GRIP1: variants seen among roughly 807,000 people sequenced by gnomAD.
GRIP1 encodes the protein glutamate receptor interacting protein 1.
Under a neutral mutation model 129.9 loss-of-function variants are expected in GRIP1, and 45 were observed. The observed-to-expected ratio is 0.35, with a 90% CI of 0.27 to 0.44. GRIP1 has a LOEUF of 0.44. Ranked by LOEUF, GRIP1 falls within the 20% of genes least tolerant of loss-of-function variation. The pLI is 1.00. For missense variants in GRIP1, 1,196 were observed against 1,396.8 expected (o/e 0.86, Z 2.29); for synonymous variants, 530 against 520.8 (o/e 1.02, Z -0.24).
intron 1 of GRIP1, among the ~76,000 whole-genome samples, chr12:66,965,596 T>TGTGTGTGAGA (rs1308974868): frequency 1.4e-5 from 2 of 146,754 alleles, no homozygotes; most frequent in African/African-American, 5.1e-5. Context: ...TGTGTGTGTG[T>TGTGTGTGAGA]GAGATATTAT....
chr12:66,888,750 T>C (rs1368878145), intron 1 of GRIP1, among the ~76,000 whole-genome samples: 1 of 152,204 alleles, frequency 6.6e-6, no homozygotes. Flanking sequence ...CAAGTTCCTA[T>C]TTTTGCTAAC....
chr12:66,387,026 A>G (rs1162801258), intron 19 of GRIP1, among the ~76,000 whole-genome samples: 1 of 152,214 alleles, frequency 6.6e-6, no homozygotes, highest in Non-Finnish European at 1.5e-5. Context: ...TACATAAGAA[A>G]ATACATAATA....
intron 1 of GRIP1, among the ~76,000 whole-genome samples, chr12:66,711,365 A>G (rs1247364000): frequency 6.6e-6 from 1 of 151,950 alleles, no homozygotes; most frequent in African/African-American, 2.4e-5. Flanking sequence ...GTAAATTTAT[A>G]CCAAAAATTA....
intron 1 of GRIP1, among the ~76,000 whole-genome samples, chr12:67,068,586 C>A (rs1421286869): frequency 6.6e-6 from 1 of 152,078 alleles, no homozygotes; most frequent in Non-Finnish European, 1.5e-5. Flanking sequence ...AATGCCGTCG[C>A]AGCCCAGCCA....
At chr12:66,769,692 A>G (rs2037757993) in intron 1 of GRIP1, among the ~76,000 whole-genome samples, 1 of 150,726 alleles carries the variant, frequency 6.6e-6, no homozygotes, top group Non-Finnish European at 1.5e-5. Context: ...ATAGGAGGGA[A>G]AAAAAAAATC....
rs1473878515 is a variant in GRIP1 at position 67,002,749 on chromosome 12, T to C, written c.58+66301A>G. 3.9e-5 allele frequency among the ~76,000 whole-genome samples: 6 copies of C among 151,950 alleles called. No homozygotes were observed. In the South Asian group the frequency reaches 1.2e-3, roughly 32 times the overall value. ...TACACCATGGTTTTCTTCTTTCCTT[T>C]TCTTTATCTACTTTTATTTTTTCTT... On this transcript the variant is annotated intron_variant, in intron 1 of 1. Coordinates refer to the GRIP1 transcript ENST00000643019.
At chr12:66,991,971 C>G (rs2042400841) in intron 1 of GRIP1, among the ~76,000 whole-genome samples, 1 of 152,148 alleles carries the variant, frequency 6.6e-6, no homozygotes, top group South Asian at 2.1e-4. Context: ...AAACACCACT[C>G]AAAATATGAC....
intron 3 of GRIP1, among the ~76,000 whole-genome samples, chr12:66,540,723 T>C (rs987294532): frequency 6.6e-6 from 1 of 152,238 alleles, no homozygotes; most frequent in Non-Finnish European, 1.5e-5. Context: ...CCTGGAATTA[T>C]GTGGATATGA....
At chr12:66,462,254 C>A (rs1190167608) in intron 9 of GRIP1, among the ~76,000 whole-genome samples, 1 of 152,180 alleles carries the variant, frequency 6.6e-6, no homozygotes, top group Non-Finnish European at 1.5e-5. Context: ...ATATTGTAAA[C>A]CAAGGCTTCA....
rs575839471 is a variant in GRIP1, at chr12:66,662,673, G to GA, written c.55+16176dup. On this transcript the variant is annotated intron_variant, in intron 1 of 24. Coordinates refer to ENST00000359742, the MANE Select transcript of GRIP1 (RefSeq NM_001366722.1). Reference sequence around the variant, plus strand: ...AATTTCTATTGCTTACCTAAATGTTGAAAAAGATCTCATGAAAATAACCTC... The same window carrying GA: ...AATTTCTATTGCTTACCTAAATGTTGAAAAAAGATCTCATGAAAATAACCTC... Among the ~76,000 whole-genome samples, 4 of 152,128 alleles carry GA rather than the reference G, an allele frequency of 2.6e-5. No individual in the cohort carries two copies. The East Asian group carries it at 7.7e-4, about 29-fold the overall frequency.
intron 1 of GRIP1, among the ~76,000 whole-genome samples, chr12:66,921,957 G>A (rs1353319811): frequency 1.3e-5 from 2 of 152,166 alleles, no homozygotes; most frequent in Non-Finnish European, 2.9e-5. Context: ...CTATCTGCAA[G>A]GAAAGAGGAT....
At chr12:66,350,370 G>A (rs565643080) in intron 24 of GRIP1, among the ~76,000 whole-genome samples, 4 of 152,140 alleles carry the variant, frequency 2.6e-5, no homozygotes, top group East Asian at 3.9e-4. Flanking sequence ...GGTGGTGGGC[G>A]CCTGTAATCC....
At chr12:66,478,324 T>G (rs988841594) in intron 7 of GRIP1, among the ~76,000 whole-genome samples, 1 of 152,136 alleles carries the variant, frequency 6.6e-6, no homozygotes, top group Non-Finnish European at 1.5e-5. Flanking sequence ...AAAACCACAA[T>G]GAGATATCAT....
At chr12:66,969,957 T>C (rs1306052762) in intron 1 of GRIP1, among the ~76,000 whole-genome samples, 3 of 152,208 alleles carry the variant, frequency 2.0e-5, no homozygotes, top group Admixed American at 2.0e-4. Context: ...CTTTTTCTAT[T>C]AGAGCCCTTA....
chr12:66,745,132 C>T (rs958834756), intron 1 of GRIP1, among the ~76,000 whole-genome samples: 1 of 152,118 alleles, frequency 6.6e-6, no homozygotes, highest in Non-Finnish European at 1.5e-5. Flanking sequence ...GGTGGTAAAG[C>T]TGCCAAATTA....
At chr12:66,715,873 C>T (rs1285258913) in intron 1 of GRIP1, among the ~76,000 whole-genome samples, 1 of 151,988 alleles carries the variant, frequency 6.6e-6, no homozygotes, top group Non-Finnish European at 1.5e-5. Context: ...GAACATTCAT[C>T]AGGCCAGCTA....
chr12:66,924,863 G>A (rs1409539971), intron 1 of GRIP1, among the ~76,000 whole-genome samples: 3 of 152,110 alleles, frequency 2.0e-5, no homozygotes, highest in Admixed American at 6.5e-5. Flanking sequence ...CCAGCTACTC[G>A]GGAGGCTGAG....
At chr12:66,574,463 T>C (rs1348153516) in intron 2 of GRIP1, among the ~76,000 whole-genome samples, 1 of 152,248 alleles carries the variant, frequency 6.6e-6, no homozygotes, top group Non-Finnish European at 1.5e-5. Context: ...CTAAATTGGA[T>C]TGAACACCAC....
chr12:66,951,317 TTAAC>T (rs1419806877), intron 1 of GRIP1, among the ~76,000 whole-genome samples: 1 of 152,314 alleles, frequency 6.6e-6, no homozygotes, highest in African/African-American at 2.4e-5. Flanking sequence ...TGAGAAGTAG[TTAAC>T]TAAGCGGAGT....
Sources: gnomAD v4.1 joint callset for allele counts (sites outside exome capture counted in the v4.1 genomes callset) on GRCh38, gnomAD v4.1.1 for gene constraint, MANE v1.5 for transcripts, NCBI Gene and HGNC (gene_info 2026-07-23, HGNC 2026-07-21) for gene names.